Variants in DLG2 observed in about 807,000 individuals in gnomAD.
DLG2 encodes disks large homolog 2.
DLG2 carries 45 observed loss-of-function variants against 132.5 expected under a neutral mutation model. That is an observed-to-expected ratio of 0.34 (90% CI 0.27 to 0.44). The LOEUF is 0.44. Ranked by LOEUF, DLG2 falls within the 20% of genes least tolerant of loss-of-function variation. The pLI, the probability that DLG2 is intolerant of heterozygous loss-of-function variation, is 1.00. For synonymous variants in DLG2, 424 were observed against 419.6 expected (o/e 1.01, Z -0.13); for missense variants, 1,045 against 1,196.9 (o/e 0.87, Z 1.87).
intron 3 of DLG2, among the ~76,000 whole-genome samples, chr11:85,562,884 T>G (rs1454115133): frequency 6.6e-6 from 1 of 151,848 alleles, no homozygotes; most frequent in African/African-American, 2.4e-5. Flanking sequence ...ATGACAGCAT[T>G]AAGCTCAAGA....
At chr11:85,195,171 T>C (rs895197176) in intron 4 of DLG2, among the ~76,000 whole-genome samples, 4 of 152,290 alleles carry the variant, frequency 2.6e-5, no homozygotes, top group African/African-American at 4.8e-5. Flanking sequence ...AGGAACATCA[T>C]AATTAGGATG....
At chr11:83,672,365 C>G (rs2076978033) in intron 18 of DLG2, among the ~76,000 whole-genome samples, 1 of 151,998 alleles carries the variant, frequency 6.6e-6, no homozygotes, top group Non-Finnish European at 1.5e-5. Flanking sequence ...TTAGTAGATA[C>G]AGGGTTTCTC....
At chr11:84,370,412 T>C (rs2098701395) in intron 7 of DLG2, among the ~76,000 whole-genome samples, 1 of 152,238 alleles carries the variant, frequency 6.6e-6, no homozygotes, top group East Asian at 1.9e-4. Flanking sequence ...GGAAGTGGCA[T>C]GGTAATAGTA....
At chr11:84,242,187 C>T (rs1443554731) in intron 8 of DLG2, among the ~76,000 whole-genome samples, 4 of 152,084 alleles carry the variant, frequency 2.6e-5, no homozygotes, top group Non-Finnish European at 4.4e-5. Flanking sequence ...TTTATTTTCC[C>T]GTTGGCTCTA....
chr11:83,932,829 A>G (rs1222971169), intron 14 of DLG2, among the ~76,000 whole-genome samples: 1 of 152,200 alleles, frequency 6.6e-6, no homozygotes, highest in Non-Finnish European at 1.5e-5. Context: ...TTATACCAGA[A>G]GAACCAGAAT....
intron 17 of DLG2, among the ~76,000 whole-genome samples, chr11:83,807,406 A>C (rs1458619731): frequency 1.3e-5 from 2 of 152,180 alleles, no homozygotes; most frequent in Non-Finnish European, 1.5e-5. Flanking sequence ...TGCTCCCTGC[A>C]GAAAACAACT....
intron 15 of DLG2, among the ~76,000 whole-genome samples, chr11:83,885,211 C>T (rs562276123): frequency 8.5e-5 from 13 of 152,144 alleles, no homozygotes; most frequent in Non-Finnish European, 1.2e-4. Flanking sequence ...AAAATTTAGA[C>T]GAATGTATAA....
intron 18 of DLG2, among the ~76,000 whole-genome samples, chr11:83,638,295 G>A (rs146033225): frequency 4.6e-5 from 7 of 152,170 alleles, no homozygotes; most frequent in Admixed American, 3.3e-4. Context: ...AGTAAAAAGT[G>A]TACAAGATTT....
At chr11:84,801,196 C>T (rs1056109894) in intron 6 of DLG2, among the ~76,000 whole-genome samples, 1 of 152,200 alleles carries the variant, frequency 6.6e-6, no homozygotes, top group Non-Finnish European at 1.5e-5. Flanking sequence ...GAGTTACCCA[C>T]ATACAGCAGC....
At chr11:84,922,286 C>T (rs908473195) in intron 6 of DLG2, among the ~76,000 whole-genome samples, 4 of 152,000 alleles carry the variant, frequency 2.6e-5, no homozygotes, top group African/African-American at 7.2e-5. Context: ...GAAATGTAAG[C>T]TTAAAATGTT....
intron 8 of DLG2, among the ~76,000 whole-genome samples, chr11:84,245,266 T>C (rs186167815): frequency 6.6e-6 from 1 of 152,342 alleles, no homozygotes; most frequent in East Asian, 1.9e-4. Flanking sequence ...TTCACTCTCT[T>C]GTCCTTGGCC....
chr11:84,503,300 T>A (rs888806249), intron 7 of DLG2, among the ~76,000 whole-genome samples: 2 of 152,186 alleles, frequency 1.3e-5, no homozygotes, highest in Non-Finnish European at 2.9e-5. Flanking sequence ...TTAGTTACTA[T>A]GTGTGAAAGA....
At chr11:83,762,921 A>C (rs1300976906) in intron 18 of DLG2, among the ~76,000 whole-genome samples, 1 of 152,184 alleles carries the variant, frequency 6.6e-6, no homozygotes, top group Non-Finnish European at 1.5e-5. Flanking sequence ...AGAAGCTTTG[A>C]ACATCTGAGT....
intron 12 of DLG2, among the ~76,000 whole-genome samples, chr11:83,972,646 T>TA (rs1267551638): frequency 6.6e-6 from 1 of 152,068 alleles, no homozygotes; most frequent in Non-Finnish European, 1.5e-5. Flanking sequence ...AGCTAAGTTT[T>TA]AAAAAAATGA....
intron 6 of DLG2, among the ~76,000 whole-genome samples, chr11:85,096,957 C>T (rs1036131517): frequency 2.0e-5 from 3 of 152,018 alleles, no homozygotes; most frequent in African/African-American, 4.8e-5. Context: ...AGCCAAGGGT[C>T]GACAAAGAAG....
chr11:84,714,684 C>T (rs370502809), intron 6 of DLG2, among the ~76,000 whole-genome samples: 1 of 145,844 alleles, frequency 6.9e-6, no homozygotes, highest in Non-Finnish European at 1.5e-5. Flanking sequence ...TGCCTCCCCG[C>T]CCCACCCAAG....
intron 3 of DLG2, among the ~76,000 whole-genome samples, chr11:85,451,986 T>C (rs558543778): frequency 6.6e-6 from 1 of 152,138 alleles, no homozygotes; most frequent in Non-Finnish European, 1.5e-5. Flanking sequence ...TTTATTTCAG[T>C]ATAATACTGT....
At chr11:84,260,588 T>C (rs1351094224) in intron 7 of DLG2, among the ~76,000 whole-genome samples, 7 of 152,222 alleles carry the variant, frequency 4.6e-5, no homozygotes, top group Non-Finnish European at 8.8e-5. Flanking sequence ...ATTAACCAAC[T>C]ACCTACTGTG....
intron 8 of DLG2, among the ~76,000 whole-genome samples, chr11:84,176,080 T>C (rs1423358540): frequency 1.3e-5 from 2 of 151,916 alleles, no homozygotes; most frequent in East Asian, 1.9e-4. Flanking sequence ...ATCGTATATA[T>C]AGTGATGTTT....
Sources: allele counts gnomAD v4.1 joint callset (sites outside exome capture counted in the v4.1 genomes callset), GRCh38; gene constraint gnomAD v4.1.1; transcripts MANE v1.5; gene names NCBI Gene and HGNC (gene_info 2026-07-23, HGNC 2026-07-21).